Variants in TENM3 observed in about 807,000 individuals in gnomAD.
TENM3 encodes the protein teneurin transmembrane protein 3, also known as teneurin-3.
In TENM3, 63 loss-of-function variants were observed where a neutral mutation model predicts 255.1. The ratio of observed to expected loss-of-function variants is 0.25; its 90% CI spans 0.20 to 0.30. The LOEUF (loss-of-function observed/expected upper bound fraction) is 0.30. TENM3 is among the 10% of genes least tolerant of loss of function. The probability of loss-of-function intolerance (pLI) is 1.00; values close to 1 mark genes in which losing one functional copy is unlikely to be tolerated. For missense variants in TENM3, 2,929 were observed against 3,461.1 expected (o/e 0.85, Z 3.86); for synonymous variants, 1,306 against 1,322.3 (o/e 0.99, Z 0.27).
At chr4:181,699,458 A>G in the TENM3 span, among the ~76,000 whole-genome samples, 1 of 146,208 alleles carries the variant, frequency 6.8e-6, no homozygotes, top group African/African-American at 2.5e-5. Flanking sequence ...AAAAAAAAAA[A>G]AAAAAAAAAA....
At chr4:182,162,324 A>G (rs147809325) in intron 1 of TENM3, among the ~76,000 whole-genome samples, 178 of 152,314 alleles carry the variant, frequency 1.2e-3, no homozygotes, top group African/African-American at 3.6e-3. Flanking sequence ...TGAGCCCAAC[A>G]TTGGCTTAGG....
At chr4:182,028,410 C>A in the TENM3 span, among the ~76,000 whole-genome samples, 9 of 152,130 alleles carry the variant, frequency 5.9e-5, no homozygotes, top group South Asian at 2.1e-4. Flanking sequence ...TTTCAAAAAA[C>A]CAACTGGTTG....
the TENM3 span, among the ~76,000 whole-genome samples, chr4:181,888,517 T>TAC: frequency 1.4e-4 from 2 of 14,526 alleles, 1 homozygote; most frequent in African/African-American, 5.3e-4. Flanking sequence ...TATATATATG[T>TAC]ATATATATAC....
chr4:182,597,628 T>C (rs1747393706), intron 3 of TENM3, among the ~76,000 whole-genome samples: 2 of 152,230 alleles, frequency 1.3e-5, no homozygotes, highest in Non-Finnish European at 2.9e-5. Context: ...ACAGTAGGTA[T>C]TTTGTCCACT....
chr4:181,908,906 T>C, the TENM3 span, among the ~76,000 whole-genome samples: 1 of 152,194 alleles, frequency 6.6e-6, no homozygotes, highest in African/African-American at 2.4e-5. Context: ...GAAAAAGAAG[T>C]GCAAGCGAGG....
intron 2 of TENM3, among the ~76,000 whole-genome samples, chr4:182,336,569 G>A (rs1764154236): frequency 6.6e-6 from 1 of 152,182 alleles, no homozygotes; most frequent in Admixed American, 6.5e-5. Flanking sequence ...ACTGCAGCAG[G>A]TTGGTTCTAC....
At chr4:182,358,977 CAT>C (rs1765757654) in intron 3 of TENM3, among the ~76,000 whole-genome samples, 1 of 151,742 alleles carries the variant, frequency 6.6e-6, no homozygotes, top group African/African-American at 2.4e-5. Flanking sequence ...TTGAGATAAT[CAT>C]GTGGTTTTTG....
the TENM3 span, among the ~76,000 whole-genome samples, chr4:181,613,698 C>A: frequency 2.0e-5 from 3 of 152,294 alleles, no homozygotes; most frequent in East Asian, 5.8e-4. Context: ...ACGTAAAAAG[C>A]TTAGAATCAT....
intron 1 of TENM3, among the ~76,000 whole-genome samples, chr4:182,236,359 A>G (rs576456346): frequency 1.3e-5 from 2 of 152,346 alleles, no homozygotes; most frequent in South Asian, 2.1e-4. Context: ...TCACTCCTGC[A>G]TCAGTGTGGT....
At chr4:181,632,864 C>T in the TENM3 span, among the ~76,000 whole-genome samples, 38 of 152,220 alleles carry the variant, frequency 2.5e-4, no homozygotes, top group Non-Finnish European at 8.8e-5. Flanking sequence ...TCAAACCAAA[C>T]GAAACAACTT....
the TENM3 span, among the ~76,000 whole-genome samples, chr4:181,493,451 C>A: frequency 6.6e-6 from 1 of 152,044 alleles, no homozygotes; most frequent in African/African-American, 2.4e-5. Context: ...AGAGGTACGA[C>A]CAGGCGTGGT....
chr4:182,460,113 A>T (rs1488511757), intron 3 of TENM3, among the ~76,000 whole-genome samples: 2 of 152,180 alleles, frequency 1.3e-5, no homozygotes. Flanking sequence ...TAACCTCTGC[A>T]GTGTGAAAGT....
At chr4:182,596,574 A>C (rs1747247914) in intron 3 of TENM3, among the ~76,000 whole-genome samples, 1 of 152,202 alleles carries the variant, frequency 6.6e-6, no homozygotes, top group South Asian at 2.1e-4. Flanking sequence ...AGATGGAGGA[A>C]AATGTCTTTC....
At chr4:182,104,325 G>C in the TENM3 span, among the ~76,000 whole-genome samples, 2 of 151,898 alleles carry the variant, frequency 1.3e-5, no homozygotes, top group Non-Finnish European at 2.9e-5. Flanking sequence ...CCTTGAATAG[G>C]GTCTAGCCAC....
At chr4:182,145,647 C>T (rs1031909223) in intron 1 of TENM3, among the ~76,000 whole-genome samples, 6 of 152,132 alleles carry the variant, frequency 3.9e-5, no homozygotes, top group African/African-American at 1.4e-4. Context: ...ACATCACACA[C>T]GTGTGTTTCC....
At chr4:181,628,379 T>G in the TENM3 span, among the ~76,000 whole-genome samples, 1 of 152,236 alleles carries the variant, frequency 6.6e-6, no homozygotes, top group Admixed American at 6.5e-5. Context: ...TGCCATTGCT[T>G]TTGGTGTTTT....
intron 3 of TENM3, among the ~76,000 whole-genome samples, chr4:182,462,498 C>G (rs182677703): frequency 1.8e-4 from 28 of 151,656 alleles, no homozygotes; most frequent in African/African-American, 6.8e-4. Context: ...TCTGAACAGC[C>G]GCACTCAGAA....
the TENM3 span, among the ~76,000 whole-genome samples, chr4:181,781,563 A>G: frequency 2.6e-5 from 4 of 152,200 alleles, no homozygotes; most frequent in Admixed American, 2.6e-4. Flanking sequence ...GTCATCTGCA[A>G]ACAGGGACAA....
chr4:181,939,289 G>A, the TENM3 span, among the ~76,000 whole-genome samples: 555 of 152,276 alleles, frequency 3.6e-3, 11 homozygotes, highest in Admixed American at 0.031. Context: ...TAAGAATGCC[G>A]GGAACTCGTT....
Sources: allele counts gnomAD v4.1 joint callset (sites outside exome capture counted in the v4.1 genomes callset), GRCh38; gene constraint gnomAD v4.1.1; transcripts MANE v1.5; gene names NCBI Gene and HGNC (gene_info 2026-07-23, HGNC 2026-07-21).